The following DOCK1 variants were observed in gnomAD, a reference collection of about 807,000 sequenced individuals.
The protein encoded by DOCK1 is dedicator of cytokinesis 1.
A neutral mutation model predicts 262.7 loss-of-function variants in DOCK1; 138 were observed. The observed-to-expected ratio is 0.53, with a 90% CI of 0.46 to 0.61. The LOEUF is 0.61. Among genes scored for constraint, DOCK1 ranks in the 20% least tolerant of loss-of-function variants. The pLI is 0.00. For synonymous variants in DOCK1, 866 were observed against 867.4 expected, an observed-to-expected ratio of 1.00 and a Z score of 0.03; for missense variants, 1,908 against 2,370.7, an observed-to-expected ratio of 0.80 and a Z score of 4.05.
At chr10:127,272,373 C>T (rs998303617) in intron 29 of DOCK1, among the ~76,000 whole-genome samples, 3 of 152,164 alleles carry the variant, frequency 2.0e-5, no homozygotes, top group African/African-American at 7.2e-5. Flanking sequence ...CTTCTTCATG[C>T]TCAAACCTCG....
chr10:127,077,593 T>C (rs1393409521), intron 23 of DOCK1, among the ~76,000 whole-genome samples: 1 of 152,068 alleles, frequency 6.6e-6, no homozygotes, highest in Non-Finnish European at 1.5e-5. Context: ...TTATAGCATA[T>C]TAAGTGCTTA....
intron 27 of DOCK1, among the ~76,000 whole-genome samples, chr10:127,169,875 A>G (rs903830657): frequency 1.3e-5 from 2 of 152,158 alleles, no homozygotes; most frequent in Non-Finnish European, 2.9e-5. Context: ...ACCTTGGTAC[A>G]GGATACCACA....
intron 27 of DOCK1, among the ~76,000 whole-genome samples, chr10:127,159,132 A>C (rs1362680468): frequency 6.6e-6 from 1 of 152,242 alleles, no homozygotes; most frequent in East Asian, 1.9e-4. Flanking sequence ...ATGCTCTGTT[A>C]GAAACAGAAG....
chr10:127,345,521 T>C (rs1280015545), intron 31 of DOCK1, among the ~76,000 whole-genome samples: 1 of 152,234 alleles, frequency 6.6e-6, no homozygotes, highest in Non-Finnish European at 1.5e-5. Context: ...CCTGGCCATC[T>C]TTCCTTCAGG....
At chr10:127,314,543 C>T (rs2766037) in intron 29 of DOCK1, among the ~76,000 whole-genome samples, 2,715 of 152,226 alleles carry the variant, frequency 0.018, 91 homozygotes, top group African/African-American at 0.063. Flanking sequence ...GAGTTGCAGA[C>T]GGTAATGTAT....
chr10:126,944,247 C>T (rs1317830873), intron 1 of DOCK1, among the ~76,000 whole-genome samples: 1 of 151,754 alleles, frequency 6.6e-6, no homozygotes, highest in East Asian at 1.9e-4. Context: ...GCAGGGGCTG[C>T]TGGTCTCCGG....
intron 21 of DOCK1, among the ~76,000 whole-genome samples, chr10:127,050,508 C>T (rs12262577): frequency 2.6e-5 from 4 of 151,360 alleles, no homozygotes; most frequent in Non-Finnish European, 4.4e-5. Flanking sequence ...GTCAGGAGTT[C>T]GAGACCAGCC....
At chr10:127,432,435 G>A (rs902880371) in intron 47 of DOCK1, among the ~76,000 whole-genome samples, 3 of 151,586 alleles carry the variant, frequency 2.0e-5, no homozygotes, top group African/African-American at 7.3e-5. Flanking sequence ...GGGTTGCAGG[G>A]TGGGGAAGTC....
intron 23 of DOCK1, among the ~76,000 whole-genome samples, chr10:127,079,823 C>A (rs183654515): frequency 6.6e-6 from 1 of 152,056 alleles, no homozygotes; most frequent in Non-Finnish European, 1.5e-5. Context: ...CCCAGCTACT[C>A]GGGAGGCTGA....
chr10:127,312,317 C>T (rs2720988), intron 29 of DOCK1, among the ~76,000 whole-genome samples: 9 of 152,128 alleles, frequency 5.9e-5, no homozygotes, highest in South Asian at 4.1e-4. Flanking sequence ...ATTCCTAGGA[C>T]GGGGCAGCAG....
At chr10:126,938,624 A>G (rs914979028) in intron 1 of DOCK1, among the ~76,000 whole-genome samples, 6 of 152,134 alleles carry the variant, frequency 3.9e-5, no homozygotes, top group Non-Finnish European at 7.3e-5. Context: ...AAATAACAGC[A>G]ATTTATTCTC....
At chr10:127,250,595 A>C (rs953056216) in intron 28 of DOCK1, among the ~76,000 whole-genome samples, 4 of 152,044 alleles carry the variant, frequency 2.6e-5, no homozygotes, top group Non-Finnish European at 5.9e-5. Context: ...GTTCGAGAAC[A>C]ACCTGGCCAA....
intron 1 of DOCK1, among the ~76,000 whole-genome samples, chr10:126,948,553 G>C (rs922478972): frequency 6.6e-6 from 1 of 151,902 alleles, no homozygotes; most frequent in Non-Finnish European, 1.5e-5. Context: ...TTTTTTACGT[G>C]GGGTGGGGTC....
chr10:127,168,761 G>T (rs949523834), intron 27 of DOCK1, among the ~76,000 whole-genome samples: 3 of 152,182 alleles, frequency 2.0e-5, no homozygotes, highest in Admixed American at 6.5e-5. Context: ...AGCCTGGGAA[G>T]CCAGGAAATC....
chr10:127,428,966 C>G lies in DOCK1; in HGVS notation c.4914+2955C>G, dbSNP rs77024892. 7.5e-3 allele frequency among the ~76,000 whole-genome samples: 179 copies of G among 23,762 alleles called. 6 individuals are homozygous for G. Among genetic ancestry groups the G allele is most frequent in the South Asian group, 0.018 (10 of 568 alleles). The allele number at this position is 23,762 out of a possible 152,430, so 15.6% of individuals were successfully genotyped here. On this transcript the variant is annotated intron_variant, in intron 47 of 51. Transcript: ENST00000623213. ...TGTGGATTGGGGTGCTGTGTGGATT[C>G]GGGTACCATGTGGATTGGGGTGCCG...
chr10:127,175,468 G>C lies in DOCK1; in HGVS notation c.2847+47704G>C. 6.2e-7 allele frequency: 1 copy of C among 1,609,940 alleles called. No homozygotes were observed. On this transcript the variant is annotated intron_variant, in intron 27 of 51. Coordinates refer to ENST00000623213, the MANE Select transcript of DOCK1 (RefSeq NM_001290223.2). The surrounding 1 kb of genome is among the most constrained non-coding windows in gnomAD (Gnocchi z 6.3). ...CATTCGGGGGACAGGCACTGCATCG[G>C]GGGTGAGCAGGCCAGGGCAGTTTCC... is the stretch of plus-strand genomic sequence containing the variant.
intron 1 of DOCK1, among the ~76,000 whole-genome samples, chr10:126,960,836 AC>A (rs2037156808): frequency 6.6e-6 from 1 of 150,554 alleles, no homozygotes; most frequent in Admixed American, 6.6e-5. Flanking sequence ...GTATATCTAT[AC>A]GTATAGATAT....
intron 2 of DOCK1, among the ~76,000 whole-genome samples, chr10:126,977,199 A>G (rs900076961): frequency 5.9e-5 from 9 of 152,204 alleles, no homozygotes; most frequent in Admixed American, 3.3e-4. Context: ...TCCTGTCCTC[A>G]GCCTGAGAGG....
intron 31 of DOCK1, among the ~76,000 whole-genome samples, chr10:127,345,663 A>G (rs1031598784): frequency 1.3e-5 from 2 of 152,140 alleles, no homozygotes; most frequent in Non-Finnish European, 2.9e-5. Context: ...GCCTGTGACT[A>G]CCGAAGCGGC....
Sources: gnomAD v4.1 joint callset for allele counts (sites outside exome capture counted in the v4.1 genomes callset) on GRCh38, gnomAD v4.1.1 for gene constraint, Gnocchi (gnomAD v3.1) non-coding constraint, MANE v1.5 for transcripts, NCBI Gene and HGNC (gene_info 2026-07-23, HGNC 2026-07-21) for gene names.